The following TSHZ2 variants were observed in gnomAD, a reference collection of about 807,000 sequenced individuals.
TSHZ2 encodes the protein teashirt homolog 2.
TSHZ2 carries 21 observed loss-of-function variants against 74.4 expected under a neutral mutation model. That is an observed-to-expected ratio of 0.28 (90% CI 0.20 to 0.41). The LOEUF is 0.41. TSHZ2 is among the 10% of genes least tolerant of loss of function. TSHZ2 has a pLI of 1.00. For missense variants in TSHZ2, 1,244 were observed against 1,293.5 expected (o/e 0.96, Z 0.59); for synonymous variants, 540 against 515.3 (o/e 1.05, Z -0.65).
In TSHZ2 at chr20:53,468,688, C is replaced by CAAA. The variant is rs1158529552; in HGVS notation, c.*9-18437_*9-18435dup. Among the ~76,000 whole-genome samples, 174 of 65,200 alleles carry CAAA rather than the reference C, an allele frequency of 2.7e-3. 2 individuals are homozygous for CAAA. Among genetic ancestry groups the CAAA allele is most frequent in the Non-Finnish European group, 2.9e-3 (98 of 33,328 alleles). The allele number at this position is 65,200 out of a possible 152,430, so 42.8% of individuals were successfully genotyped here. A position where few individuals can be genotyped will look rare whatever the true frequency, so the allele number is the denominator to read the frequency against. On this transcript the variant is annotated intron_variant, in intron 2 of 2. Coordinates refer to ENST00000371497, the MANE Select transcript of TSHZ2 (RefSeq NM_173485.6). ...AGATTCTCTGGCATCCATTACGAGA[C>CAAA]AAAAAAAAAAAAAAAAAAAAACTAA...
At chr20:53,393,359 C>G (rs1336045516) in intron 2 of TSHZ2, among the ~76,000 whole-genome samples, 2 of 152,184 alleles carry the variant, frequency 1.3e-5, no homozygotes, top group Non-Finnish European at 2.9e-5. Context: ...TGTTGGCATC[C>G]AACAGATTTA....
intron 1 of TSHZ2, among the ~76,000 whole-genome samples, chr20:53,146,844 C>T (rs540913178): frequency 2.0e-5 from 3 of 152,200 alleles, no homozygotes; most frequent in Non-Finnish European, 4.4e-5. Flanking sequence ...GCGAGGCGGG[C>T]GTGAAGGATA....
chr20:52,993,690 C>T (rs1196036959), intron 1 of TSHZ2, among the ~76,000 whole-genome samples: 1 of 152,016 alleles, frequency 6.6e-6, no homozygotes, highest in African/African-American at 2.4e-5. Context: ...AAAACAGTAG[C>T]AATGGAAACT....
intron 2 of TSHZ2, among the ~76,000 whole-genome samples, chr20:53,421,871 CAG>C (rs990877076): frequency 4.6e-5 from 7 of 151,662 alleles, no homozygotes; most frequent in African/African-American, 1.7e-4. Context: ...TTAGTAGAGA[CAG>C]GGTTTCACCA....
chr20:53,336,857 TAC>T (rs1368027050), intron 2 of TSHZ2, among the ~76,000 whole-genome samples: 1 of 152,088 alleles, frequency 6.6e-6, no homozygotes, highest in Admixed American at 6.6e-5. Context: ...TGTGTATACA[TAC>T]ACACACTCAT....
chr20:53,129,331 G>A (rs956972994), intron 1 of TSHZ2, among the ~76,000 whole-genome samples: 8 of 152,216 alleles, frequency 5.3e-5, no homozygotes, highest in South Asian at 2.1e-4. Context: ...TACGTGTGAT[G>A]TTTTGATCTA....
At position 53,255,598 on chromosome 20, in the gene TSHZ2, C is replaced by G. The variant is rs147347830; in HGVS notation, c.2140C>G (p.Arg714Gly). The G allele has an allele frequency of 3.8e-6, 6 of 1,583,938 alleles. No homozygotes were observed. Among genetic ancestry groups the G allele is most frequent in the Non-Finnish European group, 8.6e-7 (1 of 1,165,426 alleles). Reference protein sequence around the residue: ...NHLGKATEPLRSPSCSSPSSS... With the variant: ...NHLGKATEPLGSPSCSSPSSS... Reference sequence around the variant, plus strand: ...CTTGGGCAAAGCCACGGAGCCCTTGCGCTCACCTTCCTGCTCCAGCCCAAG... The same window carrying G: ...CTTGGGCAAAGCCACGGAGCCCTTGGGCTCACCTTCCTGCTCCAGCCCAAG... The change falls in exon 2 of 3, where the codon CGC becomes GGC. Residue 714 changes from arginine to glycine, a missense_variant. By Grantham distance (125) the Arg-to-Gly change is moderately radical. Around this residue, in one of 6 missense-constraint regions of TSHZ2, gnomAD observed 562 missense variants for 544.0 expected, o/e 1.03. Transcript: ENST00000371497. The surrounding 1 kb of genome is among the most constrained non-coding windows in gnomAD (Gnocchi z 4.1).
intron 1 of TSHZ2, among the ~76,000 whole-genome samples, chr20:53,031,285 C>G (rs1299314708): frequency 6.6e-6 from 1 of 152,192 alleles, no homozygotes; most frequent in East Asian, 1.9e-4. Flanking sequence ...GAGGTCCTCT[C>G]TGATGTAAAT....
intron 2 of TSHZ2, among the ~76,000 whole-genome samples, chr20:53,363,458 T>C (rs1981141845): frequency 6.6e-6 from 1 of 152,210 alleles, no homozygotes; most frequent in Non-Finnish European, 1.5e-5. Flanking sequence ...GGGATATGGA[T>C]TACCCCTTTC....
Position 52,973,168 on chromosome 20 carries a change from C to A in TSHZ2, c.-126C>A. The A allele has an allele frequency of 8.0e-7, 1 of 1,251,522 alleles. No homozygotes were observed. Among genetic ancestry groups the A allele is most frequent in the Non-Finnish European group, 1.1e-6 (1 of 892,756 alleles). 77.5% of individuals were successfully genotyped at this position (1,251,522 alleles called of 1,614,324 possible). On this transcript the variant is annotated 5_prime_UTR_variant, in exon 1 of 3. Coordinates refer to ENST00000371497, the MANE Select transcript of TSHZ2 (RefSeq NM_173485.6). The stretch of plus-strand genomic sequence containing the variant: ...GGGGGGATCGTCAGGGGGACAGAGG[C>A]CGAGTGACGTCCTAGGAGCCACCGG...
chr20:53,389,176 C>T (rs1396175702), intron 2 of TSHZ2, among the ~76,000 whole-genome samples: 1 of 152,206 alleles, frequency 6.6e-6, no homozygotes, highest in Admixed American at 6.5e-5. Context: ...AGGGTCCCCT[C>T]CTAGTGTTCC....
At position 53,491,998 on chromosome 20, in the gene TSHZ2, A is replaced by C. The variant is rs549546379; in HGVS notation, c.*4863A>C. 4.7e-5 allele frequency: 7 copies of C among 149,436 alleles called. No homozygotes were observed. The South Asian group carries it at 1.5e-3, about 32-fold the overall frequency. The allele number at this position is 149,436 out of a possible 1,614,324, so 9.3% of individuals were successfully genotyped here. On this transcript the variant is annotated 3_prime_UTR_variant, in exon 3 of 3. Transcript: ENST00000371497. The stretch of plus-strand genomic sequence containing the variant: ...ACAGCTTTTAGAAGTACAAGTAATA[A>C]CTTTTTGATAAGAAACCCCAGGAGA...
intron 2 of TSHZ2, among the ~76,000 whole-genome samples, chr20:53,431,231 C>G (rs563227915): frequency 6.6e-6 from 1 of 152,038 alleles, no homozygotes; most frequent in African/African-American, 2.4e-5. Context: ...GAGGCCGAGG[C>G]AGATCACTTG....
chr20:53,308,340 C>T (rs1028625555), intron 2 of TSHZ2, among the ~76,000 whole-genome samples: 2 of 152,112 alleles, frequency 1.3e-5, no homozygotes, highest in Non-Finnish European at 2.9e-5. Context: ...AGAGTTCACA[C>T]GCGGTCTGTG....
At chr20:53,391,098 C>T (rs921125722) in intron 2 of TSHZ2, among the ~76,000 whole-genome samples, 1 of 149,974 alleles carries the variant, frequency 6.7e-6, no homozygotes, top group African/African-American at 2.5e-5. Context: ...CGCTCCTGAT[C>T]AACAGCATAT....
chr20:53,295,140 A>C (rs1991351825), intron 2 of TSHZ2, among the ~76,000 whole-genome samples: 1 of 152,118 alleles, frequency 6.6e-6, no homozygotes, highest in Admixed American at 6.5e-5. Context: ...TGCTTCAACA[A>C]CCCAGGTTCA....
intron 1 of TSHZ2, among the ~76,000 whole-genome samples, chr20:53,221,561 C>T (rs1989558165): frequency 6.6e-6 from 1 of 152,190 alleles, no homozygotes. Flanking sequence ...TGGCCAAGGG[C>T]TTGTTACTGG....
At chr20:53,455,589 T>A (rs1480474604) in intron 2 of TSHZ2, 1 of 149,378 alleles carries the variant, frequency 6.7e-6, no homozygotes, top group Non-Finnish European at 1.5e-5. Flanking sequence ...ATACTTTAAG[T>A]TTTAGGGTAC....
intron 2 of TSHZ2, among the ~76,000 whole-genome samples, chr20:53,393,061 C>G (rs1982319326): frequency 6.6e-6 from 1 of 152,108 alleles, no homozygotes; most frequent in Non-Finnish European, 1.5e-5. Context: ...AACTCCTGGC[C>G]TCAAGTGATC....
Sources: allele counts gnomAD v4.1 joint callset (sites outside exome capture counted in the v4.1 genomes callset), GRCh38; gene constraint gnomAD v4.1.1; regional missense constraint gnomAD v4.1.1; non-coding constraint Gnocchi (gnomAD v3.1); transcripts MANE v1.5; gene names NCBI Gene and HGNC (gene_info 2026-07-23, HGNC 2026-07-21).